The following ZDHHC16 variants were observed in gnomAD, a reference collection of about 807,000 sequenced individuals.
ZDHHC16 encodes the protein zDHHC palmitoyltransferase 16.
In ZDHHC16, 33 loss-of-function variants were observed where a neutral mutation model predicts 54.4. That is an observed-to-expected ratio of 0.61 (90% CI 0.46 to 0.81). ZDHHC16 has a LOEUF of 0.81. ZDHHC16 is among the 30% of genes least tolerant of loss of function. The probability of loss-of-function intolerance (pLI) is 0.00; values close to 1 mark genes in which losing one functional copy is unlikely to be tolerated. For synonymous variants in ZDHHC16, 185 were observed against 182.1 expected, an observed-to-expected ratio of 1.02 and a Z score of -0.13; for missense variants, 420 against 485.9, an observed-to-expected ratio of 0.86 and a Z score of 1.28.
chr10:97,446,210 G>T lies in ZDHHC16; in HGVS notation c.-329G>T. The T allele has an allele frequency of 1.6e-6, 1 of 634,036 alleles. No homozygotes were observed. Among genetic ancestry groups the T allele is most frequent in the Admixed American group, 2.9e-5 (1 of 34,722 alleles). The allele number at this position is 634,036 out of a possible 1,614,324, so 39.3% of individuals were successfully genotyped here. On this transcript the variant is annotated 5_prime_UTR_variant, in exon 1 of 12. Coordinates refer to ENST00000393760, the MANE Select transcript of ZDHHC16 (RefSeq NM_198046.3). ...ATGGGCTGGCGGCGGGTCCGGGTCC[G>T]CTGCCTGGCGCTGCGGGCGGCGGGC... is the stretch of plus-strand genomic sequence containing the variant.
intron 9 of ZDHHC16, 115 bp downstream of exon 9, chr10:97,454,914 T>TTAACC (rs1330683147): frequency 3.4e-6 from 3 of 878,910 alleles, no homozygotes; most frequent in Non-Finnish European, 5.5e-6. Flanking sequence ...CTAGTCTAAC[T>TTAACC]TAGGTTGGCA....
chr10:97,446,516 C>A (rs531249989), intron 1 of ZDHHC16, among the ~76,000 whole-genome samples, 163 bp downstream of exon 1: 1 of 152,332 alleles, frequency 6.6e-6, no homozygotes. Context: ...GCAATCGTTA[C>A]GCTCAGAGCA....
At position 97,455,739 on chromosome 10, in the gene ZDHHC16, C is replaced by G; in HGVS notation, c.904C>G (p.His302Asp). The G allele has an allele frequency of 6.2e-7, 1 of 1,614,148 alleles. No individual in the cohort carries two copies. The highest frequency in any genetic ancestry group is 1.1e-5 in the South Asian group (1 of 91,080). The part of the protein sequence containing the change: ...ISRGETSIER[H>D]INKKERRRLQ... ...TCGAGGTGAGACTAGCATCGAAAGG[C>G]ACATCAACAAGAAGGAGAGACGTCG... The change falls in exon 10 of 12, where the codon CAC (histidine) becomes GAC (aspartate). Residue 302 changes from histidine to aspartate, a missense_variant. His to Asp is a moderately conservative substitution (Grantham distance 81). Coordinates refer to ENST00000393760, the MANE Select transcript of ZDHHC16 (RefSeq NM_198046.3).
intron 9 of ZDHHC16, among the ~76,000 whole-genome samples, chr10:97,455,143 T>A (rs1419579654): frequency 2.6e-5 from 4 of 152,228 alleles, no homozygotes; most frequent in African/African-American, 9.6e-5. Flanking sequence ...TGAAGTGACT[T>A]GTTCTATGAT....
intron 1 of ZDHHC16, 103 bp from the exon 2 acceptor site, chr10:97,450,254 A>C (rs1237904310): frequency 1.3e-5 from 2 of 152,226 alleles, no homozygotes; most frequent in African/African-American, 2.4e-5. Flanking sequence ...TCCCTACTGA[A>C]TTGTGCCTTC....
At chr10:97,453,703 C>T (rs762400576) in intron 7 of ZDHHC16, 40 bp downstream of exon 7, 9 of 1,614,002 alleles carry the variant, frequency 5.6e-6, no homozygotes, top group Non-Finnish European at 7.6e-6. Flanking sequence ...TAGTGCAGAA[C>T]TTCGGGATGT....
chr10:97,455,312 C>T (rs1564807448), intron 9 of ZDHHC16, among the ~76,000 whole-genome samples: 1 of 152,190 alleles, frequency 6.6e-6, no homozygotes, highest in Non-Finnish European at 1.5e-5. Context: ...ATTCTCCTTT[C>T]CACATACTCT....
chr10:97,453,683 G>GGCAGCTCAGTAGT lies in ZDHHC16; in HGVS notation c.690+25_690+37dup. 2.5e-6 allele frequency: 4 copies of GGCAGCTCAGTAGT among 1,614,186 alleles called. No homozygotes were observed. The highest frequency in any genetic ancestry group is 3.4e-6 in the Non-Finnish European group (4 of 1,180,024). On this transcript the variant is annotated intron_variant, in intron 7 of 11. Transcript: ENST00000393760. ...ATTGAGGTGAGCTCATCAGGAACAG[G>GGCAGCTCAGTAGT]GCAGCTCAGTAGTGCAGAACTTCGG...
At chr10:97,455,556 GGTA>G (rs767642309) in intron 9 of ZDHHC16, 101 bp from the exon 10 acceptor site, 1 of 1,583,780 alleles carries the variant, frequency 6.3e-7, no homozygotes, top group Non-Finnish European at 8.6e-7. Flanking sequence ...GGAAGACTTA[GGTA>G]GAGAGGTTCC....
rs1237402807 is a variant in ZDHHC16, at chr10:97,453,518, T to C, written c.557-12T>C. ...TGTGTTTGATTCTAGTCCTTAATCA[T>C]TTCCCAACCAGCCTGGCTAAACAAT... On this transcript the variant is annotated splice_polypyrimidine_tract_variant and intron_variant, in intron 6 of 11. Transcript: ENST00000393760. 1 of 1,613,688 alleles carries C rather than the reference T, an allele frequency of 6.2e-7. No homozygotes were observed. Among genetic ancestry groups the C allele is most frequent in the Non-Finnish European group, 8.5e-7 (1 of 1,179,900 alleles).
intron 11 of ZDHHC16, 97 bp from the exon 12 acceptor site, chr10:97,456,680 T>A: frequency 1.3e-6 from 1 of 790,510 alleles, no homozygotes; most frequent in Non-Finnish European, 2.0e-6. Context: ...GACACCGAGG[T>A]AGCTTCAGGA....
At chr10:97,450,150 C>T (rs1197237548) in intron 1 of ZDHHC16, among the ~76,000 whole-genome samples, 2 of 152,120 alleles carry the variant, frequency 1.3e-5, no homozygotes, top group Admixed American at 6.6e-5. Flanking sequence ...GGATTACAGG[C>T]GTGAGCCACC....
intron 5 of ZDHHC16, 45 bp from the exon 6 acceptor site, chr10:97,452,850 A>G (rs779234533): frequency 6.2e-7 from 1 of 1,614,100 alleles, no homozygotes; most frequent in Non-Finnish European, 8.5e-7. Context: ...CTGACATCTC[A>G]AGAACTTTGG....
intron 8 of ZDHHC16, 106 bp downstream of exon 8, chr10:97,453,952 A>C: frequency 6.8e-7 from 1 of 1,465,474 alleles, no homozygotes; most frequent in Non-Finnish European, 9.4e-7. Context: ...GGCTGCCGAG[A>C]GGCCACTCTA....
chr10:97,449,861 C>CTTT (rs35173837), intron 1 of ZDHHC16, among the ~76,000 whole-genome samples: 1,525 of 81,508 alleles, frequency 0.019, 69 homozygotes, highest in Middle Eastern at 0.031. Context: ...CCCCTTAATT[C>CTTT]TTTTTTTTTT....
intron 8 of ZDHHC16, among the ~76,000 whole-genome samples, 173 bp downstream of exon 8, chr10:97,454,019 C>T (rs1846920582): frequency 6.6e-6 from 1 of 152,204 alleles, no homozygotes; most frequent in Admixed American, 6.5e-5. Context: ...AAGTGGCCTA[C>T]AGGCAAGCTG....
intron 6 of ZDHHC16, 87 bp downstream of exon 6, chr10:97,453,010 G>T: frequency 6.4e-7 from 1 of 1,560,194 alleles, no homozygotes; most frequent in Non-Finnish European, 8.8e-7. Context: ...TAGCATCACC[G>T]TGCAGAGAAC....
intron 6 of ZDHHC16, among the ~76,000 whole-genome samples, chr10:97,453,154 T>G (rs1327207818): frequency 6.6e-6 from 1 of 152,242 alleles, no homozygotes; most frequent in African/African-American, 2.4e-5. Flanking sequence ...TAACAGCTAT[T>G]GGATGGAAAG....
rs199508760 is a variant in ZDHHC16, at chr10:97,453,659, T to C, written c.686T>C (p.Ile229Thr). The change falls in exon 7 of 12, where the codon ATT becomes ACT. Residue 229 changes from isoleucine to threonine, a missense_variant. Physicochemically the swap from Ile to Thr is moderately conservative, Grantham distance 89. Coordinates refer to ENST00000393760, the MANE Select transcript of ZDHHC16 (RefSeq NM_198046.3). ...WDLFREAYAA[I>T]EKMKQLDKNK... ...CTTTTCCGGGAGGCTTATGCTGCCA[T>C]TGAGGTGAGCTCATCAGGAACAGGG... 97 of 1,614,200 alleles carry C rather than the reference T, an allele frequency of 6.0e-5. No homozygotes were observed. Among genetic ancestry groups the C allele is most frequent in the Admixed American group, 3.7e-4 (22 of 60,022 alleles).
Sources: allele counts gnomAD v4.1 joint callset (sites outside exome capture counted in the v4.1 genomes callset), GRCh38; gene constraint gnomAD v4.1.1; transcripts MANE v1.5; gene names NCBI Gene and HGNC (gene_info 2026-07-23, HGNC 2026-07-21).